CELF2: variants seen among roughly 807,000 people sequenced by gnomAD.
The protein encoded by CELF2 is CUG triplet repeat RNA-binding protein 2.
CELF2 carries 8 observed loss-of-function variants against 62.6 expected under a neutral mutation model. That is an observed-to-expected ratio of 0.13 (90% CI 0.07 to 0.23). CELF2 has a LOEUF of 0.23. Among genes scored for constraint, CELF2 ranks in the 10% least tolerant of loss-of-function variants. CELF2 has a pLI of 1.00. For synonymous variants in CELF2, 258 were observed against 250.0 expected, an observed-to-expected ratio of 1.03 and a Z score of -0.30; for missense variants, 333 against 671.0, an observed-to-expected ratio of 0.50 and a Z score of 5.56.
intron 3 of CELF2, among the ~76,000 whole-genome samples, chr10:11,222,544 C>T (rs78967351): frequency 0.067 from 10,133 of 152,228 alleles, 504 homozygotes; most frequent in African/African-American, 0.14. Flanking sequence ...ACACAAAGCG[C>T]TGATGCATTT....
chr10:10,683,256 C>T, the CELF2 span, among the ~76,000 whole-genome samples: 1 of 152,308 alleles, frequency 6.6e-6, no homozygotes, highest in African/African-American at 2.4e-5. Flanking sequence ...AGTTCTTTTC[C>T]TCCTCCACTT....
chr10:10,790,181 T>C, the CELF2 span, among the ~76,000 whole-genome samples: 1 of 152,100 alleles, frequency 6.6e-6, no homozygotes, highest in Non-Finnish European at 1.5e-5. Context: ...TATTCCAATT[T>C]CTCTGTTAGG....
chr10:11,033,929 A>C (rs1032109381), intron 1 of CELF2, among the ~76,000 whole-genome samples: 1 of 152,230 alleles, frequency 6.6e-6, no homozygotes, highest in Non-Finnish European at 1.5e-5. Flanking sequence ...GAAACAACCT[A>C]AACATTTCTG....
At chr10:10,568,352 A>T in the CELF2 span, among the ~76,000 whole-genome samples, 1 of 152,174 alleles carries the variant, frequency 6.6e-6, no homozygotes, top group Non-Finnish European at 1.5e-5. Flanking sequence ...CAGATCAGGG[A>T]TCAGCAAATT....
the CELF2 span, among the ~76,000 whole-genome samples, chr10:10,501,594 T>C: frequency 6.6e-6 from 1 of 152,328 alleles, no homozygotes; most frequent in African/African-American, 2.4e-5. Flanking sequence ...AATTTCCATG[T>C]GTTCATTGTT....
chr10:10,678,932 C>G, the CELF2 span, among the ~76,000 whole-genome samples: 1 of 152,108 alleles, frequency 6.6e-6, no homozygotes, highest in Non-Finnish European at 1.5e-5. Context: ...CACATATAAA[C>G]AGTAGAACAG....
chr10:10,902,367 A>T (rs1483904345), intron 1 of CELF2, among the ~76,000 whole-genome samples: 1 of 152,244 alleles, frequency 6.6e-6, no homozygotes, highest in Non-Finnish European at 1.5e-5. Context: ...AAATATCGAC[A>T]CATAGGCCCC....
chr10:10,889,255 T>C (rs2061971044), intron 1 of CELF2, among the ~76,000 whole-genome samples: 1 of 152,246 alleles, frequency 6.6e-6, no homozygotes, highest in Admixed American at 6.5e-5. Flanking sequence ...CTCTTCCCAG[T>C]AATGCCATGT....
chr10:11,074,277 T>G (rs1209737607), intron 1 of CELF2, among the ~76,000 whole-genome samples: 2 of 152,192 alleles, frequency 1.3e-5, no homozygotes, highest in East Asian at 3.8e-4. Flanking sequence ...TGCTGAAACA[T>G]TTTTTTAAAA....
intron 2 of CELF2, among the ~76,000 whole-genome samples, chr10:11,213,346 G>T (rs939454198): frequency 6.6e-6 from 1 of 152,232 alleles, no homozygotes; most frequent in Non-Finnish European, 1.5e-5. Context: ...AGCTGACCTG[G>T]AGAGGAATCC....
chr10:10,847,452 C>T lies in CELF2; in HGVS notation c.53+48635C>T, dbSNP rs986488460. On this transcript the variant is annotated intron_variant, in intron 1 of 13. Transcript: ENST00000636488. ...ATGTAAAGTCTGGGTGGCTCCTGTG[C>T]GATACACATGCAGGAAGAAATGCAT... Among the ~76,000 whole-genome samples the T allele has an allele frequency of 6.9e-4, 105 of 152,024 alleles. 3 individuals are homozygous for T. The highest frequency in any genetic ancestry group is 3.8e-4 in the Non-Finnish European group (26 of 68,016).
the CELF2 span, among the ~76,000 whole-genome samples, chr10:10,603,525 G>A: frequency 3.3e-5 from 5 of 152,172 alleles, no homozygotes; most frequent in South Asian, 1.0e-3. Flanking sequence ...TTTTAGGAGA[G>A]TGGAGAGAAA....
chr10:11,171,438 G>A (rs2068829120), intron 2 of CELF2: 2 of 152,554 alleles, frequency 1.3e-5, no homozygotes, highest in African/African-American at 4.8e-5. Context: ...GAAGTCGTTA[G>A]TAAAATCTTA....
intron 3 of CELF2, among the ~76,000 whole-genome samples, chr10:11,221,567 G>A (rs1005827995): frequency 6.6e-6 from 1 of 152,126 alleles, no homozygotes; most frequent in African/African-American, 2.4e-5. Context: ...TGGTAATAAG[G>A]CTTTTGGATT....
Position 11,237,305 on chromosome 10 carries a change from A to T in CELF2, c.355-11848A>T, listed in dbSNP as rs1239435655. Among the ~76,000 whole-genome samples, 1 of 152,194 alleles carries T rather than the reference A, an allele frequency of 6.6e-6. No individual in the cohort carries two copies. Among genetic ancestry groups the T allele is most frequent in the African/African-American group, 2.4e-5 (1 of 41,452 alleles). ...GGTGAGAGGTCTGAGAAGCTGGAAGAGCTGCCCCCATCCCGGGGTTGATGT... is the reference window on the plus strand; with the variant it reads ...GGTGAGAGGTCTGAGAAGCTGGAAGTGCTGCCCCCATCCCGGGGTTGATGT... On this transcript the variant is annotated intron_variant, in intron 3 of 12. Coordinates refer to ENST00000633077, the MANE Select transcript of CELF2 (RefSeq NM_001326342.2). The surrounding 1 kb of genome is among the most constrained non-coding windows in gnomAD (Gnocchi z 4.0).
the CELF2 span, among the ~76,000 whole-genome samples, chr10:10,692,288 T>A: frequency 6.6e-6 from 1 of 151,696 alleles, no homozygotes; most frequent in African/African-American, 2.4e-5. Flanking sequence ...TTGCTTGTTT[T>A]TCTCAGGTTT....
rs61580670 is a variant in CELF2 at position 11,025,239 on chromosome 10, G to GTGTGTGTGTATATATATA, written c.74+7077_74+7078insGTGTGTGTATATATATAT. 1.1e-3 allele frequency among the ~76,000 whole-genome samples: 154 copies of GTGTGTGTGTATATATATA among 141,088 alleles called. 1 individual carries two copies. Among genetic ancestry groups the GTGTGTGTGTATATATATA allele is most frequent in the African/African-American group, 2.0e-3 (78 of 39,144 alleles). The allele number at this position is 141,088 out of a possible 152,430, so 92.6% of individuals were successfully genotyped here. A position where few individuals can be genotyped will look rare whatever the true frequency, so the allele number is the denominator to read the frequency against. On this transcript the variant is annotated intron_variant, in intron 1 of 12. Transcript: ENST00000633077. Reference sequence around the variant, plus strand: ...TGTGTGTGTGTGTGTGTGTGTGTGTGTATATGTATGTGACTGTATATCTGG... The same window carrying GTGTGTGTGTATATATATA: ...TGTGTGTGTGTGTGTGTGTGTGTGTGTGTGTGTGTATATATATATATATGTATGTGACTGTATATCTGG...
At chr10:10,910,090 T>A (rs971009449) in intron 1 of CELF2, among the ~76,000 whole-genome samples, 9 of 152,228 alleles carry the variant, frequency 5.9e-5, no homozygotes, top group African/African-American at 2.2e-4. Context: ...TTTTCTCTAA[T>A]TAAGAGGACT....
the CELF2 span, among the ~76,000 whole-genome samples, chr10:10,669,003 A>C: frequency 6.6e-6 from 1 of 152,194 alleles, no homozygotes. Context: ...ATCTAGTTAC[A>C]TGACTATGAA....
Sources: allele counts gnomAD v4.1 joint callset (sites outside exome capture counted in the v4.1 genomes callset), GRCh38; gene constraint gnomAD v4.1.1; non-coding constraint Gnocchi (gnomAD v3.1); transcripts MANE v1.5; gene names NCBI Gene and HGNC (gene_info 2026-07-23, HGNC 2026-07-21).